Variants in NOTCH2NLC observed in about 807,000 individuals in gnomAD.
The protein encoded by NOTCH2NLC is notch 2 N-terminal like C.
A neutral mutation model predicts 17.7 loss-of-function variants in NOTCH2NLC; 4 were observed. The ratio of observed to expected loss-of-function variants is 0.23; its 90% CI spans 0.11 to 0.52. The LOEUF (loss-of-function observed/expected upper bound fraction) is 0.52, where lower values mean the gene tolerates loss of function less well. Among genes scored for constraint, NOTCH2NLC ranks in the 20% least tolerant of loss-of-function variants. NOTCH2NLC has a pLI of 0.96. For missense variants in NOTCH2NLC, 57 were observed against 207.2 expected (o/e 0.28, Z 4.45); for synonymous variants, 18 against 86.0 (o/e 0.21, Z 4.38).
chr1:149,461,876 G>C (rs1242857535), intron 3 of NOTCH2NLC, among the ~76,000 whole-genome samples: 31 of 144,458 alleles, frequency 2.1e-4, no homozygotes, highest in Admixed American at 3.5e-4. Context: ...GCAAACTATT[G>C]CAAGGACAAA....
At chr1:149,459,928 A>G (rs2084632303) in intron 3 of NOTCH2NLC, among the ~76,000 whole-genome samples, 1 of 143,328 alleles carries the variant, frequency 7.0e-6, no homozygotes, top group South Asian at 2.3e-4. Flanking sequence ...CCCATGATAC[A>G]GTTACCCCAC....
At chr1:149,429,162 T>G (rs1382507791) in intron 1 of NOTCH2NLC, among the ~76,000 whole-genome samples, 2 of 148,614 alleles carry the variant, frequency 1.3e-5, no homozygotes, top group African/African-American at 2.5e-5. Flanking sequence ...TGACTCTTTG[T>G]GTGATCCCAA....
chr1:149,421,454 G>T (rs2084378776), intron 1 of NOTCH2NLC, among the ~76,000 whole-genome samples: 1 of 142,046 alleles, frequency 7.0e-6, no homozygotes, highest in African/African-American at 2.6e-5. Context: ...AGCTGAGATT[G>T]CGCCACTGCA....
At chr1:149,460,344 T>C in intron 3 of NOTCH2NLC, among the ~76,000 whole-genome samples, 1 of 131,832 alleles carries the variant, frequency 7.6e-6, no homozygotes, top group Non-Finnish European at 1.7e-5. Context: ...TTTTTTTTTT[T>C]TTTTTTTTTT....
intron 1 of NOTCH2NLC, among the ~76,000 whole-genome samples, chr1:149,423,668 A>G (rs2084391849): frequency 6.7e-6 from 1 of 149,208 alleles, no homozygotes; most frequent in Non-Finnish European, 1.5e-5. Context: ...AAATTTGCAT[A>G]AACGTTGAAG....
At chr1:149,431,562 TAA>T (rs1191839778) in intron 2 of NOTCH2NLC, among the ~76,000 whole-genome samples, 1 of 122,584 alleles carries the variant, frequency 8.2e-6, no homozygotes. Flanking sequence ...CAAAAAGAAA[TAA>T]AAAAAAATAA....
chr1:149,426,608 A>G (rs2084414435), intron 1 of NOTCH2NLC, among the ~76,000 whole-genome samples: 1 of 112,168 alleles, frequency 8.9e-6, no homozygotes, highest in Admixed American at 1.2e-4. Context: ...TTGGTGGAGT[A>G]GAGGAGGGCC....
chr1:149,461,248 G>A (rs1440545486), intron 3 of NOTCH2NLC, among the ~76,000 whole-genome samples: 5 of 148,598 alleles, frequency 3.4e-5, no homozygotes, highest in South Asian at 2.1e-4. Flanking sequence ...GGATCTTTCC[G>A]TTTCAGTTGT....
At chr1:149,430,756 A>G (rs2084444026) in intron 1 of NOTCH2NLC, among the ~76,000 whole-genome samples, 186 bp from the exon 2 acceptor site, 1 of 149,836 alleles carries the variant, frequency 6.7e-6, no homozygotes, top group Non-Finnish European at 1.5e-5. Context: ...TTGTTGGAAG[A>G]TAGTTTTGGG....
At chr1:149,417,754 T>C (rs1191187511) in intron 1 of NOTCH2NLC, among the ~76,000 whole-genome samples, 12 of 145,838 alleles carry the variant, frequency 8.2e-5, no homozygotes, top group African/African-American at 2.0e-4. Context: ...GGAATGTAGA[T>C]GGAAATCAGC....
chr1:149,425,362 A>G (rs1334119310), intron 1 of NOTCH2NLC, among the ~76,000 whole-genome samples: 4 of 150,730 alleles, frequency 2.7e-5, no homozygotes, highest in African/African-American at 7.3e-5. Flanking sequence ...GAATTTAGAT[A>G]GTAATGAGGA....
At chr1:149,399,301 C>T (rs1238118664) in intron 1 of NOTCH2NLC, among the ~76,000 whole-genome samples, 10 of 148,704 alleles carry the variant, frequency 6.7e-5, no homozygotes, top group Admixed American at 3.4e-4. Context: ...TCTATTTTAA[C>T]GGGTACCTAG....
chr1:149,419,876 TTTTTTCC>T (rs2084369602), intron 1 of NOTCH2NLC, among the ~76,000 whole-genome samples: 1 of 129,314 alleles, frequency 7.7e-6, no homozygotes, highest in Non-Finnish European at 1.7e-5. Context: ...TTTTTTTTTT[TTTTTTCC>T]TCAGGCAGAG....
chr1:149,433,934 T>G (rs1226018092), intron 2 of NOTCH2NLC, among the ~76,000 whole-genome samples: 2 of 148,406 alleles, frequency 1.3e-5, no homozygotes, highest in East Asian at 2.0e-4. Context: ...AGCGACAGAG[T>G]GAGACTGTGT....
rs1175539238 is a variant in NOTCH2NLC at position 149,468,958 on chromosome 1, C to CTTTTTTTTTTTT, written c.*4818_*4829dup. On this transcript the variant is annotated 3_prime_UTR_variant, in exon 5 of 5. Transcript: ENST00000650865. The stretch of plus-strand genomic sequence containing the variant: ...GGCATGTGTCATTTTCTTTTCTTTT[C>CTTTTTTTTTTTT]TTTTTTTTTTTTTTTTTTTTTTTTG... 1.9e-5 allele frequency among the ~76,000 whole-genome samples: 1 copy of CTTTTTTTTTTTT among 53,454 alleles called. No homozygotes were observed. Among genetic ancestry groups the CTTTTTTTTTTTT allele is most frequent in the Non-Finnish European group, 3.3e-5 (1 of 30,284 alleles). 35.1% of individuals were successfully genotyped at this position (53,454 alleles called of 152,430 possible).
chr1:149,461,616 G>A lies in NOTCH2NLC; in HGVS notation c.470-1875G>A, dbSNP rs1270062939. Among the ~76,000 whole-genome samples the A allele has an allele frequency of 2.6e-4, 40 of 151,246 alleles. 1 individual carries two copies. In the East Asian group the frequency reaches 5.7e-3, roughly 21 times the overall value. ...GTATTAACAAATTCAAGGAGTTCTC[G>A]CCATCCCATTACTGGGTATATACCC... On this transcript the variant is annotated intron_variant, in intron 3 of 4. Coordinates refer to ENST00000650865, the MANE Select transcript of NOTCH2NLC (RefSeq NM_001364013.2).
chr1:149,398,688 C>T (rs2084223688), intron 1 of NOTCH2NLC, among the ~76,000 whole-genome samples: 1 of 151,242 alleles, frequency 6.6e-6, no homozygotes. Flanking sequence ...AGCTACGTCG[C>T]TCCAGCCATG....
intron 1 of NOTCH2NLC, among the ~76,000 whole-genome samples, chr1:149,398,825 C>T (rs1275935243): frequency 4.0e-5 from 6 of 151,678 alleles, no homozygotes; most frequent in Non-Finnish European, 7.4e-5. Flanking sequence ...CTGCAGGATA[C>T]TGGCAGCTGG....
intron 2 of NOTCH2NLC, among the ~76,000 whole-genome samples, chr1:149,444,968 G>T (rs1247379982): frequency 4.7e-5 from 7 of 150,064 alleles, no homozygotes; most frequent in Admixed American, 1.3e-4. Flanking sequence ...TTGAGAAAAG[G>T]GGGGGTTGAG....
Sources: gnomAD v4.1 joint callset for allele counts (sites outside exome capture counted in the v4.1 genomes callset) on GRCh38, gnomAD v4.1.1 for gene constraint, MANE v1.5 for transcripts, NCBI Gene and HGNC (gene_info 2026-07-23, HGNC 2026-07-21) for gene names.